The following SNTB1 variants were observed in gnomAD, a reference collection of about 807,000 sequenced individuals.
SNTB1 encodes syntrophin beta 1, also known as beta-1-syntrophin.
Under a neutral mutation model 48.9 loss-of-function variants are expected in SNTB1, and 36 were observed. That is an observed-to-expected ratio of 0.74 (90% confidence interval 0.56 to 0.97). SNTB1 has a LOEUF of 0.97. Among genes scored for constraint, SNTB1 ranks in the 50% least tolerant of loss-of-function variants. The probability of loss-of-function intolerance (pLI) is 0.00; values close to 1 mark genes in which losing one functional copy is unlikely to be tolerated. For synonymous variants in SNTB1, 299 were observed against 294.6 expected, an observed-to-expected ratio of 1.01 and a Z score of -0.15; for missense variants, 786 against 703.4, an observed-to-expected ratio of 1.12 and a Z score of -1.33.
chr8:120,749,305 A>C (rs1353898021), intron 1 of SNTB1, among the ~76,000 whole-genome samples: 1 of 152,184 alleles, frequency 6.6e-6, no homozygotes, highest in East Asian at 1.9e-4. Flanking sequence ...AAGGGAAAGC[A>C]TTCTCTTTCT....
intron 1 of SNTB1, among the ~76,000 whole-genome samples, chr8:120,748,847 G>C (rs971786168): frequency 6.6e-6 from 1 of 152,142 alleles, no homozygotes; most frequent in Non-Finnish European, 1.5e-5. Flanking sequence ...TAAGTCCCTG[G>C]CCATGCAACT....
At chr8:120,786,746 G>A (rs1046240512) in intron 1 of SNTB1, among the ~76,000 whole-genome samples, 4 of 152,148 alleles carry the variant, frequency 2.6e-5, no homozygotes, top group African/African-American at 7.2e-5. Flanking sequence ...GGCTGTTGTG[G>A]CTCCTTCCCT....
intron 3 of SNTB1, among the ~76,000 whole-genome samples, chr8:120,605,217 G>C (rs1816494652): frequency 6.6e-6 from 1 of 152,200 alleles, no homozygotes; most frequent in African/African-American, 2.4e-5. Flanking sequence ...GGGCTTGGAG[G>C]AACAGCAAGA....
chr8:120,670,993 G>A (rs1156392262), intron 2 of SNTB1, among the ~76,000 whole-genome samples: 1 of 152,190 alleles, frequency 6.6e-6, no homozygotes, highest in African/African-American at 2.4e-5. Flanking sequence ...ACTGGATCAG[G>A]TTTTGTACTT....
chr8:120,644,888 T>C (rs574412092), intron 2 of SNTB1, among the ~76,000 whole-genome samples: 2 of 152,304 alleles, frequency 1.3e-5, no homozygotes, highest in East Asian at 3.9e-4. Flanking sequence ...CACTGTTGTT[T>C]TGATTTGCAT....
intron 3 of SNTB1, among the ~76,000 whole-genome samples, chr8:120,591,662 G>C (rs1436606536): frequency 6.6e-6 from 1 of 152,002 alleles, no homozygotes; most frequent in Non-Finnish European, 1.5e-5. Context: ...ACCTATTCTG[G>C]CATCTCTTCT....
intron 2 of SNTB1, among the ~76,000 whole-genome samples, chr8:120,687,169 G>A (rs1424606576): frequency 6.6e-6 from 1 of 152,158 alleles, no homozygotes; most frequent in East Asian, 1.9e-4. Context: ...GAGGAGAAAG[G>A]CTGAACTGGT....
chr8:120,573,851 T>C (rs72680565), intron 4 of SNTB1, among the ~76,000 whole-genome samples: 31,053 of 152,100 alleles, frequency 0.2, 3,285 homozygotes, highest in Middle Eastern at 0.3. Context: ...AATGGGTGAA[T>C]TTATTTTTGG....
intron 1 of SNTB1, among the ~76,000 whole-genome samples, chr8:120,719,442 TTAA>T (rs1340987554): frequency 2.0e-5 from 3 of 152,044 alleles, no homozygotes; most frequent in Non-Finnish European, 4.4e-5. Flanking sequence ...ATTGAGTGAG[TTAA>T]TACTATTGAA....
At chr8:120,599,917 T>A (rs1315265291) in intron 3 of SNTB1, among the ~76,000 whole-genome samples, 1 of 152,236 alleles carries the variant, frequency 6.6e-6, no homozygotes, top group Non-Finnish European at 1.5e-5. Context: ...ACTTATAGCA[T>A]TTGGATTATG....
At chr8:120,713,404 T>C (rs1818499436) in intron 1 of SNTB1, among the ~76,000 whole-genome samples, 2 of 152,184 alleles carry the variant, frequency 1.3e-5, no homozygotes, top group Non-Finnish European at 2.9e-5. Context: ...GCTGATCTGT[T>C]TTCTGATTTG....
intron 1 of SNTB1, among the ~76,000 whole-genome samples, chr8:120,731,907 A>G (rs1404743257): frequency 2.0e-5 from 3 of 152,234 alleles, no homozygotes; most frequent in Non-Finnish European, 4.4e-5. Flanking sequence ...CGAATGCTAT[A>G]TAACTTCTGC....
chr8:120,760,721 A>G (rs574043586), intron 1 of SNTB1, among the ~76,000 whole-genome samples: 34 of 152,026 alleles, frequency 2.2e-4, no homozygotes, highest in Non-Finnish European at 4.9e-4. Flanking sequence ...GAGGGAGACT[A>G]TTTTACCAGA....
At chr8:120,723,584 G>T (rs1031888315) in intron 1 of SNTB1, among the ~76,000 whole-genome samples, 6 of 152,072 alleles carry the variant, frequency 3.9e-5, no homozygotes, top group African/African-American at 1.4e-4. Context: ...TCTTGGCCAG[G>T]AGACACATAT....
At chr8:120,608,705 G>T (rs750419841) in intron 3 of SNTB1, among the ~76,000 whole-genome samples, 4 of 152,168 alleles carry the variant, frequency 2.6e-5, no homozygotes, top group Non-Finnish European at 5.9e-5. Context: ...AAAGGATAGA[G>T]ACGACACTAG....
At chr8:120,802,673 C>CA (rs1820248890) in intron 1 of SNTB1, among the ~76,000 whole-genome samples, 1 of 152,012 alleles carries the variant, frequency 6.6e-6, no homozygotes, top group African/African-American at 2.4e-5. Flanking sequence ...GTAACTGATA[C>CA]AATTGAATGC....
intron 1 of SNTB1, among the ~76,000 whole-genome samples, chr8:120,764,008 T>C (rs1007867083): frequency 1.3e-5 from 2 of 152,198 alleles, no homozygotes; most frequent in African/African-American, 2.4e-5. Flanking sequence ...ATAATACTTA[T>C]GGAGAGTAAT....
chr8:120,602,658 T>C (rs927302310), intron 3 of SNTB1, among the ~76,000 whole-genome samples: 3 of 152,166 alleles, frequency 2.0e-5, no homozygotes, highest in African/African-American at 7.2e-5. Context: ...CCTCTCCATC[T>C]TACACACACA....
At chr8:120,578,890 GA>G (rs1815992324) in intron 3 of SNTB1, among the ~76,000 whole-genome samples, 1 of 152,166 alleles carries the variant, frequency 6.6e-6, no homozygotes, top group South Asian at 2.1e-4. Context: ...ATATGTAAAA[GA>G]ATTGGACGGG....
Sources: gnomAD v4.1 joint callset for allele counts (sites outside exome capture counted in the v4.1 genomes callset) on GRCh38, gnomAD v4.1.1 for gene constraint, MANE v1.5 for transcripts, NCBI Gene and HGNC (gene_info 2026-07-23, HGNC 2026-07-21) for gene names.